The following FANCC variants were observed in gnomAD, a reference collection of about 807,000 sequenced individuals.
FANCC encodes Fanconi anemia group C protein.
A neutral mutation model predicts 71.3 loss-of-function variants in FANCC; 55 were observed. The observed-to-expected ratio is 0.77, with a 90% confidence interval of 0.62 to 0.97. FANCC has a LOEUF of 0.97. FANCC is among the 50% of genes least tolerant of loss of function. The pLI is 0.00. For synonymous variants in FANCC, 275 were observed against 244.9 expected, an observed-to-expected ratio of 1.12 and a Z score of -1.15; for missense variants, 678 against 670.9, an observed-to-expected ratio of 1.01 and a Z score of -0.12.
At chr9:95,136,512 A>C (rs1371447129) in intron 7 of FANCC, among the ~76,000 whole-genome samples, 1 of 151,832 alleles carries the variant, frequency 6.6e-6, no homozygotes, top group Non-Finnish European at 1.5e-5. Flanking sequence ...AAAGATGCAA[A>C]GTCGTGCTCT....
chr9:95,274,270 T>C (rs978618551), intron 1 of FANCC, among the ~76,000 whole-genome samples: 1 of 152,134 alleles, frequency 6.6e-6, no homozygotes, highest in Non-Finnish European at 1.5e-5. Flanking sequence ...TGAGAACATG[T>C]GGTGTTTGGT....
intron 1 of FANCC, among the ~76,000 whole-genome samples, chr9:95,298,743 C>T (rs575382929): frequency 1.1e-4 from 16 of 152,306 alleles, no homozygotes; most frequent in Admixed American, 9.1e-4. Flanking sequence ...AGACTACAGC[C>T]ATCCAAAATA....
chr9:95,190,735 C>A (rs1383154792), intron 4 of FANCC, among the ~76,000 whole-genome samples: 2 of 152,254 alleles, frequency 1.3e-5, no homozygotes, highest in Non-Finnish European at 2.9e-5. Flanking sequence ...TGCTGGTACA[C>A]CGCATGCTAC....
rs765413863 is a variant in FANCC at position 95,240,631 on chromosome 9, C to A, written c.345+18G>T. On this transcript the variant is annotated intron_variant, in intron 4 of 14. Coordinates refer to ENST00000289081, the MANE Select transcript of FANCC (RefSeq NM_000136.3). ...CAATTTAATTCAAAGAAGTGCAGAG[C>A]AAGATTTACTCTCTTACCTGTATCC... 18 of 1,561,106 alleles carry A rather than the reference C, an allele frequency of 1.2e-5. No individual in the cohort carries two copies. Among genetic ancestry groups the A allele is most frequent in the Non-Finnish European group, 1.4e-5 (16 of 1,132,228 alleles).
intron 1 of FANCC, among the ~76,000 whole-genome samples, chr9:95,303,298 T>A (rs1028821409): frequency 6.6e-6 from 1 of 152,182 alleles, no homozygotes; most frequent in Non-Finnish European, 1.5e-5. Context: ...GAACCTTGGG[T>A]TAATGACTTG....
chr9:95,132,995 T>C (rs1827143484), intron 8 of FANCC, among the ~76,000 whole-genome samples: 1 of 152,238 alleles, frequency 6.6e-6, no homozygotes, highest in African/African-American at 2.4e-5. Flanking sequence ...CCAACTCTAA[T>C]GTAATAGGCA....
At chr9:95,236,484 T>C (rs1489051699) in intron 4 of FANCC, among the ~76,000 whole-genome samples, 3 of 152,266 alleles carry the variant, frequency 2.0e-5, no homozygotes, top group African/African-American at 7.2e-5. Context: ...TGCTCTATGA[T>C]GGCACATTCA....
chr9:95,309,824 C>G (rs1400219728), intron 1 of FANCC, among the ~76,000 whole-genome samples: 1 of 152,116 alleles, frequency 6.6e-6, no homozygotes, highest in Non-Finnish European at 1.5e-5. Context: ...CTCATGGATC[C>G]AGCATGACAG....
intron 4 of FANCC, among the ~76,000 whole-genome samples, chr9:95,188,051 A>G (rs1375213362): frequency 2.0e-5 from 3 of 151,300 alleles, no homozygotes; most frequent in African/African-American, 7.2e-5. Context: ...TGCGAAATAA[A>G]TGTTAGTTTC....
chr9:95,246,024 T>C (rs1830952471), intron 3 of FANCC, among the ~76,000 whole-genome samples: 1 of 152,196 alleles, frequency 6.6e-6, no homozygotes, highest in East Asian at 1.9e-4. Context: ...CATTTTTTCA[T>C]GAGATGTGTT....
intron 1 of FANCC, among the ~76,000 whole-genome samples, chr9:95,288,774 T>C (rs953168896): frequency 1.3e-5 from 2 of 152,114 alleles, no homozygotes; most frequent in South Asian, 4.2e-4. Flanking sequence ...CTCTTCTCTT[T>C]GTTCACTGTT....
intron 4 of FANCC, among the ~76,000 whole-genome samples, chr9:95,229,950 T>C (rs1392546541): frequency 1.3e-5 from 2 of 152,186 alleles, no homozygotes; most frequent in African/African-American, 2.4e-5. Context: ...ATCCATTCAG[T>C]AGTTTTTTAT....
Position 95,117,316 on chromosome 9 carries a change from T to C in FANCC, c.1071A>G (p.Gln357=), listed in dbSNP as rs1057522128. 12 of 1,613,930 alleles carry C rather than the reference T, an allele frequency of 7.4e-6. No individual in the cohort carries two copies. The highest frequency in any genetic ancestry group is 9.3e-6 in the Non-Finnish European group (11 of 1,179,914). Residue 357 remains glutamine, a splice_region_variant and synonymous_variant, in exon 11 of 15, where the codon CAA becomes CAG. Transcript: ENST00000289081. ...SLAMVLLQDP[Q]DIPRGHWLQT... is the part of the protein sequence containing the mutation. ...TGGGCAAAGTCAACCCTAACTCACC[T>C]TGAGGGTCTTGCAGCAGCACCATGG... is the stretch of plus-strand genomic sequence containing the variant.
intron 4 of FANCC, among the ~76,000 whole-genome samples, chr9:95,219,136 T>C (rs913044113): frequency 1.3e-5 from 2 of 152,068 alleles, no homozygotes; most frequent in African/African-American, 4.8e-5. Flanking sequence ...GGATCTCAGG[T>C]TGAAGGCTGC....
intron 4 of FANCC, among the ~76,000 whole-genome samples, chr9:95,221,642 A>G (rs1347148431): frequency 6.6e-6 from 1 of 152,250 alleles, no homozygotes; most frequent in Non-Finnish European, 1.5e-5. Context: ...TTGACAAAGG[A>G]ACAGTATCTG....
intron 13 of FANCC, among the ~76,000 whole-genome samples, chr9:95,109,058 C>T (rs1456270523): frequency 1.3e-5 from 2 of 152,120 alleles, no homozygotes; most frequent in African/African-American, 2.4e-5. Flanking sequence ...TACAGGCACA[C>T]ATTACCATAC....
At chr9:95,296,700 T>C (rs1477539162) in intron 1 of FANCC, among the ~76,000 whole-genome samples, 2 of 152,138 alleles carry the variant, frequency 1.3e-5, no homozygotes, top group Non-Finnish European at 2.9e-5. Context: ...GTTGGGACAA[T>C]ATTGGGCTGG....
At chr9:95,310,786 G>A (rs1412130833) in intron 1 of FANCC, among the ~76,000 whole-genome samples, 2 of 152,134 alleles carry the variant, frequency 1.3e-5, no homozygotes, top group Admixed American at 6.5e-5. Flanking sequence ...AAGGATGTTG[G>A]CACTCAACAA....
intron 4 of FANCC, among the ~76,000 whole-genome samples, chr9:95,222,581 T>C (rs528473334): frequency 6.6e-6 from 1 of 152,302 alleles, no homozygotes; most frequent in South Asian, 2.1e-4. Context: ...TAAAGAGGTA[T>C]ACATGTGTCA....
Sources: allele counts gnomAD v4.1 joint callset (sites outside exome capture counted in the v4.1 genomes callset), GRCh38; gene constraint gnomAD v4.1.1; transcripts MANE v1.5; gene names NCBI Gene and HGNC (gene_info 2026-07-23, HGNC 2026-07-21).